ADAP2: variants seen among roughly 807,000 people sequenced by gnomAD.
ADAP2 encodes the protein ArfGAP with dual PH domains 2.
Under a neutral mutation model 54.9 loss-of-function variants are expected in ADAP2, and 42 were observed. The observed-to-expected ratio is 0.77, with a 90% CI of 0.60 to 0.99. ADAP2 has a LOEUF of 0.99. ADAP2 is among the 50% of genes least tolerant of loss of function. The pLI is 0.00. For synonymous variants in ADAP2, 177 were observed against 180.1 expected (o/e 0.98, Z 0.14); for missense variants, 429 against 480.4 (o/e 0.89, Z 1.00).
At chr17:30,950,572 G>A (rs1904554858) in intron 7 of ADAP2, among the ~76,000 whole-genome samples, 1 of 152,158 alleles carries the variant, frequency 6.6e-6, no homozygotes, top group Non-Finnish European at 1.5e-5. Context: ...TAAGTGATGG[G>A]GCTGGAAAAC....
intron 5 of ADAP2, among the ~76,000 whole-genome samples, chr17:30,941,385 C>A (rs764648161): frequency 4.1e-4 from 62 of 152,212 alleles, no homozygotes; most frequent in Non-Finnish European, 3.5e-4. Flanking sequence ...TTGTAAACTG[C>A]TAATTTTGTT....
intron 5 of ADAP2, among the ~76,000 whole-genome samples, chr17:30,940,149 G>A (rs961467507): frequency 2.0e-5 from 3 of 151,316 alleles, no homozygotes; most frequent in Non-Finnish European, 2.9e-5. Flanking sequence ...TTTTGGCAAC[G>A]ACAGGATTTC....
intron 4 of ADAP2, among the ~76,000 whole-genome samples, chr17:30,933,326 TAC>T (rs1488628711): frequency 6.6e-6 from 1 of 151,970 alleles, no homozygotes; most frequent in Non-Finnish European, 1.5e-5. Context: ...TAGCTGGGAT[TAC>T]AGGCATGCAC....
rs114362808 is a variant in ADAP2, at chr17:30,940,887, C to A, written c.511-4020C>A. The stretch of plus-strand genomic sequence containing the variant: ...CTCTAGAAAGTCAACAAGCAAAATA[C>A]CTTGAGCATCTCCCAGAAAACTTTA... On this transcript the variant is annotated intron_variant, in intron 5 of 10. Coordinates refer to ENST00000330889, the MANE Select transcript of ADAP2 (RefSeq NM_018404.3). Among the ~76,000 whole-genome samples, 1,450 of 152,266 alleles carry A rather than the reference C, an allele frequency of 9.5e-3. 23 individuals are homozygous for A. The highest frequency in any genetic ancestry group is 0.032 in the African/African-American group (1,346 of 41,540).
At chr17:30,945,549 C>T (rs537263228) in intron 6 of ADAP2, among the ~76,000 whole-genome samples, 7 of 151,950 alleles carry the variant, frequency 4.6e-5, no homozygotes, top group African/African-American at 1.4e-4. Context: ...CCCAGGAGTT[C>T]GAGACCAGCC....
At chr17:30,930,279 C>T (rs923798895) in intron 3 of ADAP2, among the ~76,000 whole-genome samples, 2 of 151,884 alleles carry the variant, frequency 1.3e-5, no homozygotes, top group African/African-American at 2.4e-5. Flanking sequence ...GCTATGTTGG[C>T]CAGGCTGGTC....
chr17:30,957,752 C>A, intron 10 of ADAP2, 83 bp from the exon 11 acceptor site: 1 of 1,391,766 alleles, frequency 7.2e-7, no homozygotes, highest in Non-Finnish European at 1.0e-6. Context: ...TGTCTTTGTA[C>A]GCCTGTCCCT....
chr17:30,934,334 G>A (rs201580542), intron 5 of ADAP2, 37 bp downstream of exon 5: 1 of 1,427,660 alleles, frequency 7.0e-7, no homozygotes, highest in Non-Finnish European at 9.8e-7. Flanking sequence ...GTCCCTTCCT[G>A]AGCACTCTCA....
chr17:30,951,987 C>A (rs561791177), intron 7 of ADAP2, among the ~76,000 whole-genome samples: 3 of 152,144 alleles, frequency 2.0e-5, no homozygotes, highest in African/African-American at 7.2e-5. Flanking sequence ...CAAATTTCCC[C>A]CTTTTAAACT....
At chr17:30,928,290 G>T (rs1432923289) in intron 3 of ADAP2, among the ~76,000 whole-genome samples, 9 of 151,136 alleles carry the variant, frequency 6.0e-5, no homozygotes, top group Admixed American at 2.0e-4. Flanking sequence ...GAGGCCAGGA[G>T]TTCAAGACCA....
chr17:30,943,734 C>A (rs1476122799), intron 5 of ADAP2, among the ~76,000 whole-genome samples: 1 of 152,054 alleles, frequency 6.6e-6, no homozygotes, highest in Non-Finnish European at 1.5e-5. Context: ...GTAATCCCAG[C>A]TACTCAGGAG....
At chr17:30,929,035 T>C (rs1391189999) in intron 3 of ADAP2, among the ~76,000 whole-genome samples, 1 of 152,240 alleles carries the variant, frequency 6.6e-6, no homozygotes, top group East Asian at 1.9e-4. Flanking sequence ...GGTCTTGTAA[T>C]TTCTCAGTGC....
intron 5 of ADAP2, among the ~76,000 whole-genome samples, chr17:30,938,775 G>C (rs1912061280): frequency 6.6e-6 from 1 of 152,138 alleles, no homozygotes; most frequent in South Asian, 2.1e-4. Context: ...ATGGGGAGGA[G>C]AAGGGAGGAT....
In ADAP2 at chr17:30,922,089, C is replaced by T. The variant is rs1910649812; in HGVS notation, c.75C>T (p.Cys25=). ...LRAPDTGNAH[C]ADCGAADPDW... is the part of the protein sequence containing the mutation. ...CGCCGGACACAGGCAACGCGCACTG[C>T]GCCGACTGCGGGGCGGCAGGTAAGG... is the stretch of plus-strand genomic sequence containing the variant. Residue 25 remains cysteine, a synonymous_variant, in exon 1 of 11, where the codon TGC becomes TGT. Transcript: ENST00000330889. The T allele has an allele frequency of 4.8e-6, 6 of 1,252,636 alleles. No homozygotes were observed. The East Asian group carries it at 1.6e-4, about 33-fold the overall frequency. 77.6% of individuals were successfully genotyped at this position (1,252,636 alleles called of 1,614,324 possible). A position where few individuals can be genotyped will look rare whatever the true frequency, so the allele number is the denominator to read the frequency against.
chr17:30,951,654 CTTTTTTTT>C (rs1053982493), intron 7 of ADAP2, among the ~76,000 whole-genome samples: 2 of 121,042 alleles, frequency 1.7e-5, no homozygotes, highest in African/African-American at 3.3e-5. Context: ...CTTTTCTTTT[CTTTTTTTT>C]TTTTTTTTTT....
At chr17:30,928,866 G>T (rs1025273849) in intron 3 of ADAP2, among the ~76,000 whole-genome samples, 1 of 152,166 alleles carries the variant, frequency 6.6e-6, no homozygotes, top group East Asian at 1.9e-4. Context: ...CACCAGGGCT[G>T]CTAGACAGTA....
intron 5 of ADAP2, among the ~76,000 whole-genome samples, chr17:30,940,110 C>T (rs1159320968): frequency 6.6e-6 from 1 of 151,930 alleles, no homozygotes; most frequent in South Asian, 2.1e-4. Flanking sequence ...TTCAGGCACA[C>T]ACCACCATGC....
chr17:30,945,876 G>A (rs994132859), intron 6 of ADAP2, among the ~76,000 whole-genome samples: 8 of 150,602 alleles, frequency 5.3e-5, no homozygotes, highest in African/African-American at 2.0e-4. Context: ...AGAAGAGGCC[G>A]GGCGCGGTGG....
chr17:30,956,506 A>G (rs1175569184), intron 10 of ADAP2, 37 bp downstream of exon 10: 2 of 1,591,646 alleles, frequency 1.3e-6, no homozygotes, highest in African/African-American at 2.7e-5. Flanking sequence ...CTTTTGGACA[A>G]GGGCAGAGGA....
Sources: gnomAD v4.1 joint callset for allele counts (sites outside exome capture counted in the v4.1 genomes callset) on GRCh38, gnomAD v4.1.1 for gene constraint, MANE v1.5 for transcripts, NCBI Gene and HGNC (gene_info 2026-07-23, HGNC 2026-07-21) for gene names.